Variants in SLC16A4 observed in about 807,000 individuals in gnomAD.
The protein encoded by SLC16A4 is solute carrier family 16 member 4, also known as probable monocarboxylate transporter 5.
Under a neutral mutation model 47.9 loss-of-function variants are expected in SLC16A4, and 39 were observed. That is an observed-to-expected ratio of 0.81 (90% CI 0.63 to 1.06). The LOEUF is 1.06. Among genes scored for constraint, SLC16A4 ranks in the 50% least tolerant of loss-of-function variants. The pLI, the probability that SLC16A4 is intolerant of heterozygous loss-of-function variation, is 0.00. For missense variants in SLC16A4, 524 were observed against 573.8 expected (o/e 0.91, Z 0.89); for synonymous variants, 189 against 199.9 (o/e 0.95, Z 0.46).
chr1:110,378,478 A>G (rs902409119), intron 6 of SLC16A4, among the ~76,000 whole-genome samples: 11 of 152,142 alleles, frequency 7.2e-5, no homozygotes, highest in Non-Finnish European at 1.0e-4. Context: ...TCCAGAACCA[A>G]TCCTTGAGCC....
rs927273131 is a variant in SLC16A4, at chr1:110,374,213, G to T, written c.1336+1245C>A. On this transcript the variant is annotated intron_variant, in intron 8 of 8. Coordinates refer to ENST00000369779, the MANE Select transcript of SLC16A4 (RefSeq NM_004696.3). Reference sequence around the variant, plus strand: ...CTGCCATTACACTCGGCTAATTTTTGTATTTTTAGTAGAGACCGGGTTTCA... The same window carrying T: ...CTGCCATTACACTCGGCTAATTTTTTTATTTTTAGTAGAGACCGGGTTTCA... Among the ~76,000 whole-genome samples the T allele has an allele frequency of 4.6e-5, 7 of 151,896 alleles. No homozygotes were observed. The East Asian group carries it at 1.4e-3, about 30-fold the overall frequency.
chr1:110,366,569 T>C (rs1661410989), intron 8 of SLC16A4, among the ~76,000 whole-genome samples: 1 of 152,216 alleles, frequency 6.6e-6, no homozygotes. Context: ...AATACTTTGT[T>C]TGGATACACG....
At chr1:110,366,084 G>A (rs113381099) in intron 8 of SLC16A4, among the ~76,000 whole-genome samples, 3,495 of 149,862 alleles carry the variant, frequency 0.023, 123 homozygotes, top group African/African-American at 0.08. Flanking sequence ...CCATCATGCC[G>A]ACCAAGCCTT....
intron 8 of SLC16A4, among the ~76,000 whole-genome samples, chr1:110,364,161 G>A (rs530471281): frequency 1.3e-5 from 2 of 152,212 alleles, no homozygotes; most frequent in African/African-American, 2.4e-5. Flanking sequence ...TTAGAAGGCC[G>A]CTATTATGAA....
chr1:110,375,404 G>A (rs1324707147), intron 8 of SLC16A4, 54 bp downstream of exon 8: 1 of 996,036 alleles, frequency 1.0e-6, no homozygotes. Flanking sequence ...TCCTGGATCA[G>A]TTTTTCTCTT....
At chr1:110,385,661 C>T (rs1662693170) in intron 2 of SLC16A4, among the ~76,000 whole-genome samples, 1 of 152,162 alleles carries the variant, frequency 6.6e-6, no homozygotes, top group Non-Finnish European at 1.5e-5. Flanking sequence ...TTCTTTTCAC[C>T]CCATCACTAC....
chr1:110,374,716 C>G (rs902435261), intron 8 of SLC16A4, among the ~76,000 whole-genome samples: 1 of 152,232 alleles, frequency 6.6e-6, no homozygotes, highest in African/African-American at 2.4e-5. Flanking sequence ...TCAGAACTCC[C>G]CAAATGTTTA....
At position 110,362,944 on chromosome 1, in the gene SLC16A4, C is replaced by T. The variant is rs529090663; in HGVS notation, c.*822G>A. 1.3e-5 allele frequency: 2 copies of T among 152,146 alleles called. No homozygotes were observed. Among genetic ancestry groups the T allele is most frequent in the African/African-American group, 2.4e-5 (1 of 41,518 alleles). The allele number at this position is 152,146 out of a possible 1,614,324, so 9.4% of individuals were successfully genotyped here. ...AGTAATACAAAGAAAGTAAGGATTA[C>T]CTTTAATTAAGAACCTAAGTAATAC... is the stretch of plus-strand genomic sequence containing the variant. On this transcript the variant is annotated 3_prime_UTR_variant, in exon 9 of 9. Coordinates refer to ENST00000369779, the MANE Select transcript of SLC16A4 (RefSeq NM_004696.3).
At chr1:110,372,735 A>G (rs1226780471) in intron 8 of SLC16A4, 1 of 152,224 alleles carries the variant, frequency 6.6e-6, no homozygotes, top group Non-Finnish European at 1.5e-5. Flanking sequence ...TTTAGCAACA[A>G]CCTTATAGCT....
chr1:110,376,391 A>G (rs1361796783), intron 7 of SLC16A4, among the ~76,000 whole-genome samples: 1 of 152,194 alleles, frequency 6.6e-6, no homozygotes, highest in Non-Finnish European at 1.5e-5. Context: ...AGGAGAACCC[A>G]TGAGACTCCC....
At chr1:110,374,437 C>T (rs1201768631) in intron 8 of SLC16A4, among the ~76,000 whole-genome samples, 1 of 152,196 alleles carries the variant, frequency 6.6e-6, no homozygotes, top group Non-Finnish European at 1.5e-5. Context: ...TTCTGTCTTA[C>T]TTCAGGACTA....
chr1:110,370,559 T>C (rs904418822), intron 8 of SLC16A4: 2 of 151,584 alleles, frequency 1.3e-5, no homozygotes, highest in African/African-American at 4.9e-5. Context: ...CTTAGATGAA[T>C]GAATATATAT....
chr1:110,379,380 T>C (rs1307749942), intron 5 of SLC16A4, 24 bp from the exon 6 acceptor site: 3 of 1,567,546 alleles, frequency 1.9e-6, no homozygotes, highest in Non-Finnish European at 2.6e-6. Context: ...GATTGAGCAA[T>C]TAAAAATAGC....
At chr1:110,383,803 A>G (rs964775174) in intron 2 of SLC16A4, among the ~76,000 whole-genome samples, 567 of 32,440 alleles carry the variant, frequency 0.017, no homozygotes, top group East Asian at 0.029. Flanking sequence ...TGTTAAAAGG[A>G]GGTTTTTTTT....
intron 8 of SLC16A4, chr1:110,372,667 T>C (rs1341574248): frequency 6.6e-6 from 1 of 152,236 alleles, no homozygotes; most frequent in Non-Finnish European, 1.5e-5. Flanking sequence ...AGCATTGCAG[T>C]TAGAATCTTG....
chr1:110,367,080 TA>T (rs1216776533), intron 8 of SLC16A4, among the ~76,000 whole-genome samples: 2 of 152,366 alleles, frequency 1.3e-5, no homozygotes, highest in African/African-American at 4.8e-5. Flanking sequence ...ATGAAAGTAT[TA>T]GTTGTTAAAA....
intron 4 of SLC16A4, 68 bp downstream of exon 4, chr1:110,381,584 G>A (rs1423577991): frequency 6.5e-6 from 10 of 1,534,102 alleles, no homozygotes; most frequent in Non-Finnish European, 8.8e-6. Context: ...GCCTCCCAAA[G>A]TGCTAGGATT....
intron 8 of SLC16A4, among the ~76,000 whole-genome samples, chr1:110,373,847 A>T (rs1661819667): frequency 6.7e-6 from 1 of 149,914 alleles, no homozygotes; most frequent in Non-Finnish European, 1.5e-5. Flanking sequence ...GCTGATTTTT[A>T]AAATTTTTTT....
chr1:110,381,205 GAT>G, intron 4 of SLC16A4, 62 bp from the exon 5 acceptor site: 1 of 1,491,318 alleles, frequency 6.7e-7, no homozygotes, highest in Non-Finnish European at 9.3e-7. Context: ...TAACAGAAAA[GAT>G]AATCTCCTGG....
Sources: gnomAD v4.1 joint callset for allele counts (sites outside exome capture counted in the v4.1 genomes callset) on GRCh38, gnomAD v4.1.1 for gene constraint, MANE v1.5 for transcripts, NCBI Gene and HGNC (gene_info 2026-07-23, HGNC 2026-07-21) for gene names.